NOTCH3: variants seen among roughly 807,000 people sequenced by gnomAD.
NOTCH3 encodes the protein notch receptor 3.
A neutral mutation model predicts 213.3 loss-of-function variants in NOTCH3; 86 were observed. The observed-to-expected ratio is 0.40, with a 90% CI of 0.34 to 0.48. NOTCH3 has a LOEUF of 0.48. Among genes scored for constraint, NOTCH3 ranks in the 20% least tolerant of loss-of-function variants. The pLI, the probability that NOTCH3 is intolerant of heterozygous loss-of-function variation, is 0.57. For synonymous variants in NOTCH3, 1,354 were observed against 1,355.9 expected (o/e 1.00, Z 0.03); for missense variants, 2,783 against 3,272.6 (o/e 0.85, Z 3.65).
At chr19:15,179,305 G>C (rs202242263) in intron 21 of NOTCH3, 23 bp from the exon 22 acceptor site, 1 of 1,611,218 alleles carries the variant, frequency 6.2e-7, no homozygotes, top group African/African-American at 1.3e-5. Context: ...ACGAGGGGTG[G>C]TCAAGAGGGA....
rs1347983965 is a variant in NOTCH3, at chr19:15,159,568, G to A, written c.*1094C>T. The A allele has an allele frequency of 2.8e-5, 6 of 217,864 alleles. No individual in the cohort carries two copies. The highest frequency in any genetic ancestry group is 1.3e-4 in the African/African-American group (6 of 44,504). The allele number at this position is 217,864 out of a possible 1,614,324, so 13.5% of individuals were successfully genotyped here. On this transcript the variant is annotated 3_prime_UTR_variant, in exon 33 of 33. Transcript: ENST00000263388. ...AAGATGGGAGCTCAAGTTAGCCCTGGGTGGGGGAGATAGAAGTCCCACTGC... is the reference window on the plus strand; with the variant it reads ...AAGATGGGAGCTCAAGTTAGCCCTGAGTGGGGGAGATAGAAGTCCCACTGC...
chr19:15,171,216 C>CG (rs1196626225), intron 25 of NOTCH3, among the ~76,000 whole-genome samples: 12 of 151,882 alleles, frequency 7.9e-5, no homozygotes, highest in African/African-American at 2.9e-4. Flanking sequence ...TTAGTAGAGA[C>CG]GGGGTTTCAC....
chr19:15,173,346 C>T (rs1364276292), intron 25 of NOTCH3, among the ~76,000 whole-genome samples: 2 of 137,122 alleles, frequency 1.5e-5, no homozygotes, highest in Non-Finnish European at 3.1e-5. Context: ...GGCATGAACC[C>T]GGGAGGCGGA....
At chr19:15,167,209 G>A (rs753744263) in intron 29 of NOTCH3, 40 bp downstream of exon 29, 3 of 1,596,134 alleles carry the variant, frequency 1.9e-6, no homozygotes, top group African/African-American at 2.7e-5. Context: ...CAGGTAGGAT[G>A]GGTGAGGGGC....
Position 15,165,449 on chromosome 19 carries a change from G to C in NOTCH3, c.5734C>G (p.Leu1912Val). ...RMADGSTALI[L>V]AARLAVEGMV... ...CCCTCTACTGCCAGGCGGGCCGCCA[G>C]GATCAGTGCCGTTGAGCCATCTGCC... The change falls in exon 31 of 33, where the codon CTG becomes GTG. Residue 1912 changes from leucine (L) to valine (V), a missense_variant. Leu to Val is a conservative substitution (Grantham distance 32). Around this residue, in one of 6 missense-constraint regions of NOTCH3, gnomAD observed 636 missense variants for 801.8 expected, o/e 0.79. Transcript: ENST00000263388. This position sits in a 1 kb window ranked among gnomAD's most constrained non-coding sequence, Gnocchi z 4.7. 6.2e-7 allele frequency: 1 copy of C among 1,612,752 alleles called. No homozygotes were observed.
chr19:15,176,065 G>T (rs1055437383), intron 24 of NOTCH3, among the ~76,000 whole-genome samples: 1 of 151,858 alleles, frequency 6.6e-6, no homozygotes, highest in Non-Finnish European at 1.5e-5. Flanking sequence ...GCCATATAGA[G>T]GAGCAAAAAG....
chr19:15,161,736 A>T (rs1568345865), intron 32 of NOTCH3, 22 bp from the exon 33 acceptor site: 1 of 1,608,578 alleles, frequency 6.2e-7, no homozygotes, highest in South Asian at 1.1e-5. Context: ...GAACCCACAG[A>T]GGTCAGCGAA....
At chr19:15,172,474 C>T (rs10401630) in intron 25 of NOTCH3, among the ~76,000 whole-genome samples, 12,413 of 151,784 alleles carry the variant, frequency 0.082, 1,472 homozygotes, top group African/African-American at 0.27. Context: ...GGCTGGTACA[C>T]CAACCACTCT....
chr19:15,200,219 G>C (rs1300554972), intron 1 of NOTCH3, among the ~76,000 whole-genome samples: 6 of 151,536 alleles, frequency 4.0e-5, no homozygotes, highest in African/African-American at 1.4e-4. Context: ...TGCGGGCGGG[G>C]GAGGGGGCGC....
chr19:15,199,352 A>T (rs2046993380), intron 1 of NOTCH3, among the ~76,000 whole-genome samples: 2 of 152,122 alleles, frequency 1.3e-5, no homozygotes, highest in South Asian at 4.1e-4. Flanking sequence ...TGTGTATGTG[A>T]ACCGTGTAAA....
chr19:15,187,474 C>T, intron 10 of NOTCH3, 136 bp from the exon 11 acceptor site: 1 of 602,162 alleles, frequency 1.7e-6, no homozygotes, highest in Non-Finnish European at 2.8e-6. Context: ...AATACAGGCC[C>T]CACCCCCCAC....
intron 24 of NOTCH3, among the ~76,000 whole-genome samples, chr19:15,175,933 C>T (rs1014608845): frequency 6.6e-6 from 1 of 150,948 alleles, no homozygotes; most frequent in East Asian, 2.0e-4. Context: ...GGGTTCCAAG[C>T]AGACAGAGAG....
At position 15,165,291 on chromosome 19, in the gene NOTCH3, A is replaced by G. The variant is rs997703428; in HGVS notation, c.5815+77T>C. ...TCAGTGATTGGGTCTCAACATGGGT[A>G]TGAATTTGCACCAACATGACCCTCA... On this transcript the variant is annotated intron_variant, in intron 31 of 32. Coordinates refer to ENST00000263388, the MANE Select transcript of NOTCH3 (RefSeq NM_000435.3). This position sits in a 1 kb window ranked among gnomAD's most constrained non-coding sequence, Gnocchi z 4.7. 35 of 1,458,604 alleles carry G rather than the reference A, an allele frequency of 2.4e-5. No homozygotes were observed. The highest frequency in any genetic ancestry group is 3.0e-5 in the Non-Finnish European group (32 of 1,051,336). The allele number at this position is 1,458,604 out of a possible 1,614,324, so 90.4% of individuals were successfully genotyped here.
intron 6 of NOTCH3, 75 bp downstream of exon 6, chr19:15,191,349 A>C: frequency 7.7e-7 from 1 of 1,291,888 alleles, no homozygotes; most frequent in Non-Finnish European, 1.1e-6. Flanking sequence ...AATCTTTCTA[A>C]CACTCAAGTC....
rs1230800663 is a variant in NOTCH3, at chr19:15,170,540, C to T, written c.4905G>A (p.Glu1635=). The T allele has an allele frequency of 4.4e-6, 7 of 1,609,072 alleles. No homozygotes were observed. The highest frequency in any genetic ancestry group is 3.4e-6 in the Non-Finnish European group (4 of 1,179,602). ...PLRDVRGEPL[E]PPEPSVPLLP... Reference sequence around the variant, plus strand: ...GCAGCGGGACGCTGGGTTCTGGAGGCTCCAGCGGCTCCCCTAAGAGCAGGA... The same window carrying T: ...GCAGCGGGACGCTGGGTTCTGGAGGTTCCAGCGGCTCCCCTAAGAGCAGGA... Residue 1635 remains glutamate, a synonymous_variant, in exon 27 of 33, where the codon GAG becomes GAA. Transcript: ENST00000263388.
rs758903586 is a variant in NOTCH3, at chr19:15,166,106, G to C, written c.5363-15C>G. ...GGTGAAGCCATCTGCAGGGACAGGA[G>C]TGTGTCAGCAGGAAGGTAAACACAG... On this transcript the variant is annotated splice_polypyrimidine_tract_variant and intron_variant, in intron 29 of 32. Coordinates refer to ENST00000263388, the MANE Select transcript of NOTCH3 (RefSeq NM_000435.3). 1.2e-6 allele frequency: 2 copies of C among 1,611,722 alleles called. No homozygotes were observed. Among genetic ancestry groups the C allele is most frequent in the East Asian group, 2.2e-5 (1 of 44,872 alleles).
rs141402160 is a variant in NOTCH3, at chr19:15,191,804, C to G, written c.743G>C (p.Gly248Ala). Residue 248 changes from glycine to alanine, a missense_variant, in exon 5 of 33, where the codon GGG becomes GCG. By Grantham distance (60) the Gly-to-Ala change is moderately conservative (BLOSUM62 0). Coordinates refer to ENST00000263388, the MANE Select transcript of NOTCH3 (RefSeq NM_000435.3). ...GTTGACGCCATCCACGCATGTCCCCCCATTGAGACATCGGTGTCCTGGACA... is the reference window on the plus strand; with the variant it reads ...GTTGACGCCATCCACGCATGTCCCCGCATTGAGACATCGGTGTCCTGGACA... ...DDCPGHRCLN[G>A]GTCVDGVNTY... is the part of the protein sequence containing the mutation. 1.7e-4 allele frequency: 280 copies of G among 1,613,984 alleles called. No individual in the cohort carries two copies. Among genetic ancestry groups the G allele is most frequent in the Non-Finnish European group, 2.3e-4 (268 of 1,180,038 alleles).
At chr19:15,182,305 G>A (rs951670302) in intron 16 of NOTCH3, among the ~76,000 whole-genome samples, 4 of 151,958 alleles carry the variant, frequency 2.6e-5, no homozygotes, top group Non-Finnish European at 4.4e-5. Context: ...TCAGGAGTTC[G>A]AGACCAACCT....
At chr19:15,196,957 C>T (rs1370307584) in intron 2 of NOTCH3, among the ~76,000 whole-genome samples, 2 of 152,140 alleles carry the variant, frequency 1.3e-5, no homozygotes, top group Non-Finnish European at 2.9e-5. Flanking sequence ...TTCACAGTCG[C>T]CAGTGAAGCA....
Sources: allele counts gnomAD v4.1 joint callset (sites outside exome capture counted in the v4.1 genomes callset), GRCh38; gene constraint gnomAD v4.1.1; regional missense constraint gnomAD v4.1.1; non-coding constraint Gnocchi (gnomAD v3.1); transcripts MANE v1.5; gene names NCBI Gene and HGNC (gene_info 2026-07-23, HGNC 2026-07-21).